INTS9: variants seen among roughly 807,000 people sequenced by gnomAD.
INTS9 encodes integrator complex subunit 9, also known as protein related to CPSF subunits of 74 kDa.
A neutral mutation model predicts 79.7 loss-of-function variants in INTS9; 55 were observed. That is an observed-to-expected ratio of 0.69 (90% CI 0.56 to 0.86). The LOEUF (loss-of-function observed/expected upper bound fraction) is 0.86, where lower values mean the gene tolerates loss of function less well. Among genes scored for constraint, INTS9 ranks in the 40% least tolerant of loss-of-function variants. The pLI is 0.00. For synonymous variants in INTS9, 319 were observed against 325.2 expected (o/e 0.98, Z 0.20); for missense variants, 721 against 831.5 (o/e 0.87, Z 1.64).
At chr8:28,868,549 T>C (rs1275108749) in intron 1 of INTS9, among the ~76,000 whole-genome samples, 1 of 152,188 alleles carries the variant, frequency 6.6e-6, no homozygotes, top group African/African-American at 2.4e-5. Flanking sequence ...CATCACATCA[T>C]CCAATAGCTC....
At chr8:28,768,373 A>T in intron 16 of INTS9, 51 bp from the exon 17 acceptor site, 1 of 1,547,066 alleles carries the variant, frequency 6.5e-7, no homozygotes, top group Non-Finnish European at 8.9e-7. Context: ...CACATCTGTG[A>T]GATCTGTAAA....
intron 2 of INTS9, among the ~76,000 whole-genome samples, chr8:28,853,266 A>G (rs117546555): frequency 0.015 from 2,327 of 152,142 alleles, 20 homozygotes; most frequent in Non-Finnish European, 0.02. Context: ...ATACAAAATT[A>G]TCCACGTATG....
Position 28,853,413 on chromosome 8 carries a change from C to CA in INTS9, c.138-3141dup, listed in dbSNP as rs570960293. 4.1e-3 allele frequency among the ~76,000 whole-genome samples: 361 copies of CA among 87,322 alleles called. 5 individuals carry two copies. The highest frequency in any genetic ancestry group is 0.022 in the Middle Eastern group (3 of 136). 57.3% of individuals were successfully genotyped at this position (87,322 alleles called of 152,430 possible). ...GGGCAAAAAGAGCAAAACTCCATCTCAAAAAAAAAAAAAAGAAAGAAACAA... is the reference window on the plus strand; with the variant it reads ...GGGCAAAAAGAGCAAAACTCCATCTCAAAAAAAAAAAAAAAGAAAGAAACAA... On this transcript the variant is annotated intron_variant, in intron 2 of 16. Coordinates refer to ENST00000521022, the MANE Select transcript of INTS9 (RefSeq NM_018250.4).
intron 8 of INTS9, among the ~76,000 whole-genome samples, chr8:28,797,396 G>C (rs1804284077): frequency 6.6e-6 from 1 of 152,112 alleles, no homozygotes; most frequent in African/African-American, 2.4e-5. Context: ...TCCATGACCA[G>C]CCTCATGACC....
chr8:28,872,641 G>A (rs992480801), intron 1 of INTS9, among the ~76,000 whole-genome samples: 18 of 152,164 alleles, frequency 1.2e-4, no homozygotes, highest in African/African-American at 4.3e-4. Context: ...CTACTGACTA[G>A]AATAGGGATA....
chr8:28,887,876 C>T (rs901074405), intron 1 of INTS9, among the ~76,000 whole-genome samples: 11 of 152,128 alleles, frequency 7.2e-5, no homozygotes, highest in African/African-American at 2.2e-4. Context: ...TTACAATCCC[C>T]GGTTTCATAT....
chr8:28,806,001 GGACC>G (rs1271067244), intron 8 of INTS9, among the ~76,000 whole-genome samples: 1 of 152,122 alleles, frequency 6.6e-6, no homozygotes, highest in Non-Finnish European at 1.5e-5. Flanking sequence ...GGCCAAAGGT[GGACC>G]GATCGCTTGA....
chr8:28,790,548 G>C (rs1331056755), intron 10 of INTS9, among the ~76,000 whole-genome samples: 1 of 152,036 alleles, frequency 6.6e-6, no homozygotes. Flanking sequence ...GGCTGATCTC[G>C]AACTCCTGGC....
intron 12 of INTS9, chr8:28,780,586 G>T: frequency 1.0e-6 from 1 of 985,490 alleles, no homozygotes; most frequent in Non-Finnish European, 1.2e-6. Flanking sequence ...GCAGGATTCT[G>T]TCTTGGAGAA....
chr8:28,854,539 A>G (rs975428839), intron 2 of INTS9, among the ~76,000 whole-genome samples: 14 of 152,208 alleles, frequency 9.2e-5, no homozygotes, highest in African/African-American at 3.4e-4. Flanking sequence ...CACAAGGTGC[A>G]GTGTTGCAGG....
chr8:28,846,704 A>T (rs772799885), intron 4 of INTS9, 43 bp downstream of exon 4: 1 of 1,406,178 alleles, frequency 7.1e-7, no homozygotes, highest in African/African-American at 1.4e-5. Flanking sequence ...GAGCAATTAC[A>T]TAATAAGGTT....
At chr8:28,849,923 T>C in intron 3 of INTS9, 1 of 282,174 alleles carries the variant, frequency 3.5e-6, no homozygotes, top group South Asian at 1.5e-4. Flanking sequence ...TCATTGCAAT[T>C]CTAGAAATAA....
intron 15 of INTS9, among the ~76,000 whole-genome samples, 170 bp downstream of exon 15, chr8:28,770,812 A>T (rs1332502466): frequency 6.6e-6 from 1 of 152,220 alleles, no homozygotes; most frequent in Non-Finnish European, 1.5e-5. Context: ...AGCCCTTGGG[A>T]TGACGTGCGG....
chr8:28,814,284 TCA>T (rs60850682), intron 6 of INTS9, among the ~76,000 whole-genome samples: 12,953 of 134,006 alleles, frequency 0.097, 717 homozygotes, highest in Admixed American at 0.16. Context: ...ACAGGGCTTC[TCA>T]CACACACACA....
chr8:28,780,488 G>C, intron 12 of INTS9: 1 of 985,358 alleles, frequency 1.0e-6, no homozygotes, highest in Non-Finnish European at 1.2e-6. Flanking sequence ...ATCTACCTCT[G>C]TAAACAATTC....
intron 1 of INTS9, among the ~76,000 whole-genome samples, chr8:28,881,390 C>G (rs1809784776): frequency 7.0e-6 from 1 of 142,812 alleles, no homozygotes; most frequent in Admixed American, 6.9e-5. Context: ...AGTGAGGAGC[C>G]CCTCTGCCCG....
chr8:28,861,813 C>G (rs1808476847), intron 1 of INTS9, among the ~76,000 whole-genome samples: 2 of 152,248 alleles, frequency 1.3e-5, no homozygotes, highest in Non-Finnish European at 2.9e-5. Flanking sequence ...AGGCCAAAGG[C>G]CAAAGGCCAA....
chr8:28,852,892 C>T (rs1807924775), intron 2 of INTS9, among the ~76,000 whole-genome samples: 1 of 152,182 alleles, frequency 6.6e-6, no homozygotes, highest in Non-Finnish European at 1.5e-5. Flanking sequence ...CACATTGTGA[C>T]AACAGTGCCA....
chr8:28,780,977 CT>C lies in INTS9; in HGVS notation c.1115del (p.Lys372SerfsTer2). 6.2e-7 allele frequency: 1 copy of C among 1,613,802 alleles called. No individual in the cohort carries two copies. Among genetic ancestry groups the C allele is most frequent in the Non-Finnish European group, 8.5e-7 (1 of 1,179,846 alleles). On this transcript the variant is annotated frameshift_variant, in exon 12 of 17. Coordinates refer to ENST00000521022, the MANE Select transcript of INTS9 (RefSeq NM_018250.4). LOFTEE classifies it high-confidence loss of function. ...FPHAELIQTN[K>X]LKHYPSIHGD... ...CGTGGATGCTGGGGTAGTGCTTCAGCTTATTGGTCTGAATGAGCTGGAAAAT... is the reference window on the plus strand; with the variant it reads ...CGTGGATGCTGGGGTAGTGCTTCAGCTATTGGTCTGAATGAGCTGGAAAAT...
Sources: gnomAD v4.1 joint callset for allele counts (sites outside exome capture counted in the v4.1 genomes callset) on GRCh38, gnomAD v4.1.1 for gene constraint, MANE v1.5 for transcripts, NCBI Gene and HGNC (gene_info 2026-07-23, HGNC 2026-07-21) for gene names.